C3orf70: variants seen among roughly 807,000 people sequenced by gnomAD.
C3orf70 encodes UPF0524 protein C3orf70.
C3orf70 carries 15 observed loss-of-function variants against 20.7 expected under a neutral mutation model. The ratio of observed to expected loss-of-function variants is 0.72; its 90% CI spans 0.48 to 1.11. The LOEUF (loss-of-function observed/expected upper bound fraction) is 1.11, where lower values mean the gene tolerates loss of function less well. C3orf70 is among the 50% of genes most tolerant of loss of function. C3orf70 has a pLI of 0.00. For missense variants in C3orf70, 332 were observed against 317.6 expected (o/e 1.05, Z -0.34); for synonymous variants, 161 against 125.7 (o/e 1.28, Z -1.88).
chr3:185,112,607 T>C (rs936561972), intron 1 of C3orf70, among the ~76,000 whole-genome samples: 5 of 152,250 alleles, frequency 3.3e-5, no homozygotes. Context: ...TCATTTATTT[T>C]TACCATTAAA....
At chr3:185,117,019 G>C (rs944960671) in intron 1 of C3orf70, among the ~76,000 whole-genome samples, 2 of 151,996 alleles carry the variant, frequency 1.3e-5, no homozygotes, top group African/African-American at 2.4e-5. Context: ...TGGACCTCGT[G>C]ATCCGCCCGC....
At position 185,079,306 on chromosome 3, in the gene C3orf70, T is replaced by TAAAAAAAAAAAA. The variant is rs1321535800; in HGVS notation, c.*3700_*3701insTTTTTTTTTTTT. 2.4e-4 allele frequency: 30 copies of TAAAAAAAAAAAA among 122,812 alleles called. No homozygotes were observed. The highest frequency in any genetic ancestry group is 8.1e-4 in the African/African-American group (23 of 28,562). The allele number at this position is 122,812 out of a possible 1,614,324, so 7.6% of individuals were successfully genotyped here. A position where few individuals can be genotyped will look rare whatever the true frequency, so the allele number is the denominator to read the frequency against. ...AAAAAAAAAAAAAAAAAAAAAAAAG[T>TAAAAAAAAAAAA]AAAGCCACCACTCCCAAGATAGAAT... On this transcript the variant is annotated 3_prime_UTR_variant, in exon 2 of 2. Transcript: ENST00000335012.
intron 1 of C3orf70, among the ~76,000 whole-genome samples, chr3:185,111,192 T>C (rs1449717395): frequency 1.3e-5 from 2 of 152,176 alleles, no homozygotes; most frequent in African/African-American, 4.8e-5. Context: ...TGATCTTGAA[T>C]TAGAGAATGT....
chr3:185,151,537 A>G (rs1716989021), intron 1 of C3orf70, among the ~76,000 whole-genome samples: 3 of 152,228 alleles, frequency 2.0e-5, no homozygotes, highest in African/African-American at 7.2e-5. Flanking sequence ...ATACTGTTCT[A>G]TGTGCCTGGA....
At chr3:185,085,927 T>C (rs1715450139) in intron 1 of C3orf70, among the ~76,000 whole-genome samples, 1 of 152,186 alleles carries the variant, frequency 6.6e-6, no homozygotes, top group Non-Finnish European at 1.5e-5. Flanking sequence ...GTTTCGTCTT[T>C]TTCATTCTTG....
At chr3:185,141,325 T>C (rs997141820) in intron 1 of C3orf70, among the ~76,000 whole-genome samples, 2 of 151,338 alleles carry the variant, frequency 1.3e-5, no homozygotes, top group Non-Finnish European at 2.9e-5. Context: ...TAAAATGGAA[T>C]AGACCCTCTG....
chr3:185,104,586 C>CA (rs1320150475), intron 1 of C3orf70, among the ~76,000 whole-genome samples: 1 of 152,090 alleles, frequency 6.6e-6, no homozygotes, highest in African/African-American at 2.4e-5. Flanking sequence ...AAATGCCCAT[C>CA]AATGATAGAC....
At chr3:185,083,855 TTAAG>T (rs368544823) in intron 1 of C3orf70, among the ~76,000 whole-genome samples, 103 of 152,286 alleles carry the variant, frequency 6.8e-4, no homozygotes, top group African/African-American at 2.4e-3. Context: ...ACAGACAACT[TTAAG>T]TAATTTACTC....
chr3:185,136,656 G>A (rs997756366), intron 1 of C3orf70, among the ~76,000 whole-genome samples: 10 of 152,246 alleles, frequency 6.6e-5, no homozygotes, highest in East Asian at 1.9e-4. Flanking sequence ...CCCGGGAGGC[G>A]GAGCTTGCAG....
chr3:185,085,291 G>A (rs1715436840), intron 1 of C3orf70, among the ~76,000 whole-genome samples: 2 of 152,144 alleles, frequency 1.3e-5, no homozygotes, highest in African/African-American at 4.8e-5. Flanking sequence ...CCACAGGAGA[G>A]TAGCAATTTC....
At chr3:185,127,600 C>A (rs1469909187) in intron 1 of C3orf70, among the ~76,000 whole-genome samples, 1 of 152,028 alleles carries the variant, frequency 6.6e-6, no homozygotes, top group Admixed American at 6.6e-5. Context: ...CCACCACGCC[C>A]AGCTAATTTT....
intron 1 of C3orf70, among the ~76,000 whole-genome samples, chr3:185,119,161 T>C (rs1716240587): frequency 6.6e-6 from 1 of 152,178 alleles, no homozygotes; most frequent in Non-Finnish European, 1.5e-5. Context: ...AGCTCACAAA[T>C]GACTACACAT....
At chr3:185,104,952 A>G (rs1354134113) in intron 1 of C3orf70, among the ~76,000 whole-genome samples, 1 of 152,212 alleles carries the variant, frequency 6.6e-6, no homozygotes, top group Admixed American at 6.5e-5. Flanking sequence ...CTGCACACAT[A>G]CCCCTGAACT....
intron 1 of C3orf70, among the ~76,000 whole-genome samples, chr3:185,123,700 T>A (rs9863723): frequency 0.022 from 3,391 of 152,212 alleles, 103 homozygotes; most frequent in African/African-American, 0.077. Context: ...CATATGTGAC[T>A]GTTGTTACTA....
intron 1 of C3orf70, among the ~76,000 whole-genome samples, chr3:185,095,498 T>C (rs779066566): frequency 1.3e-5 from 2 of 152,146 alleles, no homozygotes; most frequent in Non-Finnish European, 2.9e-5. Context: ...CATTTATTTA[T>C]TGATAAGGGG....
intron 1 of C3orf70, among the ~76,000 whole-genome samples, chr3:185,095,805 C>T (rs549695402): frequency 4.8e-4 from 70 of 145,912 alleles, no homozygotes; most frequent in Non-Finnish European, 6.2e-4. Flanking sequence ...GGCACGATCT[C>T]GGCTCACTGC....
chr3:185,130,096 T>C (rs1356234925), intron 1 of C3orf70, among the ~76,000 whole-genome samples: 1 of 152,232 alleles, frequency 6.6e-6, no homozygotes, highest in African/African-American at 2.4e-5. Context: ...AATTATTCCA[T>C]GTTTTGTCAA....
intron 1 of C3orf70, among the ~76,000 whole-genome samples, chr3:185,103,944 G>C (rs1386770962): frequency 6.6e-6 from 1 of 152,176 alleles, no homozygotes; most frequent in Non-Finnish European, 1.5e-5. Context: ...GAAACCCACA[G>C]TTATACAAAC....
chr3:185,145,995 T>C (rs889189383), intron 1 of C3orf70, among the ~76,000 whole-genome samples: 1 of 152,226 alleles, frequency 6.6e-6, no homozygotes, highest in Non-Finnish European at 1.5e-5. Flanking sequence ...CAGCTTTCTC[T>C]ATCTCTGGAA....
Sources: allele counts gnomAD v4.1 joint callset (sites outside exome capture counted in the v4.1 genomes callset), GRCh38; gene constraint gnomAD v4.1.1; transcripts MANE v1.5; gene names NCBI Gene and HGNC (gene_info 2026-07-23, HGNC 2026-07-21).